The following CNTN5 variants were observed in gnomAD, a reference collection of about 807,000 sequenced individuals.
CNTN5 encodes contactin-5.
A neutral mutation model predicts 129.1 loss-of-function variants in CNTN5; 77 were observed. The ratio of observed to expected loss-of-function variants is 0.60; its 90% CI spans 0.50 to 0.72. CNTN5 has a LOEUF of 0.72. Among genes scored for constraint, CNTN5 ranks in the 30% least tolerant of loss-of-function variants. The pLI, the probability that CNTN5 is intolerant of heterozygous loss-of-function variation, is 0.00. For missense variants in CNTN5, 1,478 were observed against 1,328.8 expected (o/e 1.11, Z -1.75); for synonymous variants, 509 against 465.6 (o/e 1.09, Z -1.20).
intron 4 of CNTN5, among the ~76,000 whole-genome samples, chr11:99,833,666 C>G (rs1454054973): frequency 6.6e-6 from 1 of 152,118 alleles, no homozygotes; most frequent in African/African-American, 2.4e-5. Flanking sequence ...TTATTGTAAA[C>G]TGAAGAGCAT....
Position 99,306,639 on chromosome 11 carries a change from CAGG to C in CNTN5, c.-209-18704_-209-18702del, listed in dbSNP as rs1401360534. On this transcript the variant is annotated intron_variant, in intron 1 of 24. Coordinates refer to ENST00000524871, the MANE Select transcript of CNTN5 (RefSeq NM_014361.4). The stretch of plus-strand genomic sequence containing the variant: ...ACTAAAAAAATTCAGGAGGCTGAGG[CAGG>C]AGAATGGCGTGAACCCGGGAGGTGG... Among the ~76,000 whole-genome samples, 5 of 151,542 alleles carry C rather than the reference CAGG, an allele frequency of 3.3e-5. No homozygotes were observed. In the East Asian group the frequency reaches 9.7e-4, roughly 29 times the overall value.
At chr11:100,184,860 T>C (rs888964458) in intron 13 of CNTN5, among the ~76,000 whole-genome samples, 3 of 152,082 alleles carry the variant, frequency 2.0e-5, no homozygotes, top group Admixed American at 2.0e-4. Flanking sequence ...CTAAATCTCA[T>C]CTACATTGTA....
chr11:99,071,173 A>T lies in CNTN5; in HGVS notation c.-210+49903A>T, dbSNP rs570566856. On this transcript the variant is annotated intron_variant, in intron 1 of 24. Transcript: ENST00000524871. ...ACTGCATTTATAAGTGTGGAAACTG[A>T]GGCTCAAAGAACATAAAATATATAC... is the stretch of plus-strand genomic sequence containing the variant. Among the ~76,000 whole-genome samples, 6 of 152,144 alleles carry T rather than the reference A, an allele frequency of 3.9e-5. No homozygotes were observed. In the South Asian group the frequency reaches 1.0e-3, roughly 26 times the overall value.
intron 13 of CNTN5, among the ~76,000 whole-genome samples, chr11:100,174,007 G>C (rs1947893159): frequency 6.6e-6 from 1 of 152,120 alleles, no homozygotes; most frequent in Admixed American, 6.6e-5. Flanking sequence ...AAGAGAAAGA[G>C]AAGAGCAATA....
rs1056312604 is a variant in CNTN5, at chr11:99,073,378, T to G, written c.-210+52108T>G. Among the ~76,000 whole-genome samples, 76 of 147,284 alleles carry G rather than the reference T, an allele frequency of 5.2e-4. 1 individual carries two copies. The highest frequency in any genetic ancestry group is 2.8e-3 in the South Asian group (13 of 4,596). Reference sequence around the variant, plus strand: ...GGTATGTCTCTTTATGGTTTGGTTTTTTTTTTTTTTTTTTTTTTTTACTTT... The same window carrying G: ...GGTATGTCTCTTTATGGTTTGGTTTGTTTTTTTTTTTTTTTTTTTTACTTT... On this transcript the variant is annotated intron_variant, in intron 1 of 24. Coordinates refer to ENST00000524871, the MANE Select transcript of CNTN5 (RefSeq NM_014361.4).
At chr11:99,860,950 A>ATTTTTTTTTTT (rs146364893) in intron 6 of CNTN5, among the ~76,000 whole-genome samples, 6 of 91,032 alleles carry the variant, frequency 6.6e-5, no homozygotes, top group Non-Finnish European at 1.0e-4. Context: ...ATATGTCTTC[A>ATTTTTTTTTTT]TTTTTTTTTT....
chr11:99,311,989 T>C (rs922582242), intron 1 of CNTN5, among the ~76,000 whole-genome samples: 8 of 152,310 alleles, frequency 5.3e-5, no homozygotes, highest in East Asian at 1.9e-4. Context: ...ATCACCTTGG[T>C]TGGCTGTTTT....
chr11:99,258,190 G>T (rs1862465094), intron 1 of CNTN5, among the ~76,000 whole-genome samples: 2 of 151,948 alleles, frequency 1.3e-5, no homozygotes, highest in South Asian at 4.2e-4. Context: ...ACATGTGCAG[G>T]TTTGTTATAT....
chr11:99,269,300 A>G (rs1343120785), intron 1 of CNTN5, among the ~76,000 whole-genome samples: 1 of 151,624 alleles, frequency 6.6e-6, no homozygotes, highest in African/African-American at 2.4e-5. Context: ...TTATTACTTT[A>G]GGTAATAGTT....
chr11:99,827,566 A>G (rs1947003984), intron 4 of CNTN5, among the ~76,000 whole-genome samples: 1 of 152,238 alleles, frequency 6.6e-6, no homozygotes, highest in Non-Finnish European at 1.5e-5. Context: ...TAAATTCCAG[A>G]AGAAACATGA....
At position 100,162,008 on chromosome 11, in the gene CNTN5, A is replaced by C. The variant is rs114075594; in HGVS notation, c.1581-29118A>C. Among the ~76,000 whole-genome samples, 136 of 151,824 alleles carry C rather than the reference A, an allele frequency of 9.0e-4. 2 individuals are homozygous for C. Among genetic ancestry groups the C allele is most frequent in the African/African-American group, 3.1e-3 (129 of 41,510 alleles). ...ACTTTAAAATTGAGAGTGGTTCACT[A>C]TGCTATGGAGGAGTGAGGCCAGCAG... On this transcript the variant is annotated intron_variant, in intron 13 of 24. Coordinates refer to ENST00000524871, the MANE Select transcript of CNTN5 (RefSeq NM_014361.4).
chr11:99,872,708 G>T (rs900769079), intron 6 of CNTN5, among the ~76,000 whole-genome samples: 2 of 152,008 alleles, frequency 1.3e-5, no homozygotes, highest in Non-Finnish European at 2.9e-5. Flanking sequence ...TAACAAGCAG[G>T]TTGAGTCCTG....
chr11:99,656,024 A>T (rs187549084), intron 3 of CNTN5, among the ~76,000 whole-genome samples: 41 of 150,762 alleles, frequency 2.7e-4, no homozygotes, highest in African/African-American at 9.9e-4. Context: ...CTCTGAATAC[A>T]GGTATGTGTG....
intron 6 of CNTN5, among the ~76,000 whole-genome samples, chr11:99,870,254 A>C (rs1948467930): frequency 6.6e-6 from 1 of 152,228 alleles, no homozygotes; most frequent in East Asian, 1.9e-4. Flanking sequence ...CTCCAGGTTG[A>C]TAATTCTCCT....
At chr11:99,653,779 T>G (rs914177567) in intron 3 of CNTN5, among the ~76,000 whole-genome samples, 1 of 152,102 alleles carries the variant, frequency 6.6e-6, no homozygotes, top group Non-Finnish European at 1.5e-5. Context: ...TCATCAGATC[T>G]TTGCTATAGT....
chr11:99,263,544 A>C (rs1862743263), intron 1 of CNTN5, among the ~76,000 whole-genome samples: 1 of 152,174 alleles, frequency 6.6e-6, no homozygotes, highest in African/African-American at 2.4e-5. Flanking sequence ...ACATCTAAGA[A>C]AATTTGTATA....
chr11:99,889,693 G>A (rs527587322), intron 6 of CNTN5, among the ~76,000 whole-genome samples: 5 of 151,882 alleles, frequency 3.3e-5, no homozygotes, highest in South Asian at 4.2e-4. Context: ...CCACTGCCAC[G>A]TCCAGCTAAT....
At chr11:99,562,876 A>C (rs536698810) in intron 3 of CNTN5, among the ~76,000 whole-genome samples, 1 of 152,152 alleles carries the variant, frequency 6.6e-6, no homozygotes, top group African/African-American at 2.4e-5. Context: ...AGATGTCTAC[A>C]ATACCCTTAG....
intron 6 of CNTN5, among the ~76,000 whole-genome samples, chr11:99,894,589 CA>C (rs202219135): frequency 1.5e-5 from 2 of 133,308 alleles, no homozygotes; most frequent in African/African-American, 2.8e-5. Context: ...AACAAACAAA[CA>C]AAAAAACCAT....
Sources: gnomAD v4.1 joint callset for allele counts (sites outside exome capture counted in the v4.1 genomes callset) on GRCh38, gnomAD v4.1.1 for gene constraint, MANE v1.5 for transcripts, NCBI Gene and HGNC (gene_info 2026-07-23, HGNC 2026-07-21) for gene names.